Variants in UBR7 observed in about 807,000 individuals in gnomAD.
The protein encoded by UBR7 is putative E3 ubiquitin-protein ligase UBR7.
UBR7 carries 22 observed loss-of-function variants against 57.0 expected under a neutral mutation model. That is an observed-to-expected ratio of 0.39 (90% CI 0.28 to 0.55). The LOEUF (loss-of-function observed/expected upper bound fraction) is 0.55. Among genes scored for constraint, UBR7 ranks in the 20% least tolerant of loss-of-function variants. The pLI is 0.69. For synonymous variants in UBR7, 167 were observed against 179.8 expected (o/e 0.93, Z 0.57); for missense variants, 395 against 513.2 (o/e 0.77, Z 2.23).
intron 6 of UBR7, 97 bp from the exon 7 acceptor site, chr14:93,218,430 T>A: frequency 2.8e-6 from 3 of 1,053,872 alleles, no homozygotes; most frequent in Non-Finnish European, 4.3e-6. Context: ...AAAATAATAA[T>A]AATAGAATAA....
In UBR7 at chr14:93,227,702, T is replaced by C. The variant is rs1254755969; in HGVS notation, c.*667T>C. 5.7e-6 allele frequency: 4 copies of C among 700,884 alleles called. No individual in the cohort carries two copies. The highest frequency in any genetic ancestry group is 2.7e-5 in the East Asian group (1 of 37,292). The allele number at this position is 700,884 out of a possible 1,614,324, so 43.4% of individuals were successfully genotyped here. A position where few individuals can be genotyped will look rare whatever the true frequency, so the allele number is the denominator to read the frequency against. The stretch of plus-strand genomic sequence containing the variant: ...GGGTTGAGGAAGCAAGCCTTTGTTA[T>C]GAATTTTACTAATACAGTTCAAGTG... On this transcript the variant is annotated 3_prime_UTR_variant, in exon 11 of 11. Transcript: ENST00000013070.
intron 6 of UBR7, among the ~76,000 whole-genome samples, chr14:93,218,149 C>T (rs1197166239): frequency 6.6e-6 from 1 of 151,684 alleles, no homozygotes; most frequent in African/African-American, 2.4e-5. Context: ...GTGGCTCACA[C>T]CTGTAATCCC....
Position 93,218,409 on chromosome 14 carries a change from T to C in UBR7, c.602-118T>C. 4.4e-6 allele frequency: 4 copies of C among 913,192 alleles called. No individual in the cohort carries two copies. The South Asian group carries it at 6.3e-5, about 14-fold the overall frequency. 56.6% of individuals were successfully genotyped at this position (913,192 alleles called of 1,614,324 possible). A position where few individuals can be genotyped will look rare whatever the true frequency, so the allele number is the denominator to read the frequency against. Reference sequence around the variant, plus strand: ...GTGGACGACAGAGTGAGACTCTGTCTGTAAAAAAAAAAAATAATAATAATA... The same window carrying C: ...GTGGACGACAGAGTGAGACTCTGTCCGTAAAAAAAAAAAATAATAATAATA... On this transcript the variant is annotated intron_variant, in intron 6 of 10. Coordinates refer to ENST00000013070, the MANE Select transcript of UBR7 (RefSeq NM_175748.4).
Position 93,212,146 on chromosome 14 carries a change from A to C in UBR7, c.441+19A>C. The C allele has an allele frequency of 6.3e-7, 1 of 1,585,462 alleles. No individual in the cohort carries two copies. Among genetic ancestry groups the C allele is most frequent in the Non-Finnish European group, 8.6e-7 (1 of 1,157,824 alleles). On this transcript the variant is annotated intron_variant, in intron 4 of 10. Coordinates refer to ENST00000013070, the MANE Select transcript of UBR7 (RefSeq NM_175748.4). The stretch of plus-strand genomic sequence containing the variant: ...AGACGAGGTAAGAGAATTGGAAGTT[A>C]AACCTGGGGGTGTGTCCCCTCTAGC...
intron 1 of UBR7, among the ~76,000 whole-genome samples, chr14:93,207,833 T>G (rs768429585): frequency 6.6e-6 from 1 of 152,194 alleles, no homozygotes; most frequent in South Asian, 2.1e-4. Flanking sequence ...ATTTATTTAT[T>G]TATTAGGGAC....
At chr14:93,209,698 A>C (rs1188387489) in intron 1 of UBR7, 126 bp from the exon 2 acceptor site, 4 of 1,278,740 alleles carry the variant, frequency 3.1e-6, no homozygotes, top group Non-Finnish European at 4.3e-6. Flanking sequence ...TTTTAGTCTT[A>C]ATGGTTTTTA....
intron 6 of UBR7, among the ~76,000 whole-genome samples, chr14:93,216,762 A>C (rs570207376): frequency 1.1e-4 from 16 of 151,912 alleles, no homozygotes; most frequent in Admixed American, 1.1e-3. Flanking sequence ...CTACAGGCAC[A>C]TGCCACCACA....
chr14:93,217,407 T>C (rs886742442), intron 6 of UBR7, among the ~76,000 whole-genome samples: 6 of 152,208 alleles, frequency 3.9e-5, no homozygotes, highest in Admixed American at 3.3e-4. Flanking sequence ...TCCTATTACA[T>C]TGAAATGCTG....
chr14:93,218,987 G>A (rs543953616), intron 7 of UBR7, among the ~76,000 whole-genome samples: 2 of 151,842 alleles, frequency 1.3e-5, no homozygotes, highest in South Asian at 2.1e-4. Flanking sequence ...CCCAGGAGGC[G>A]GAGGTTACAG....
Position 93,228,660 on chromosome 14 carries a change from G to A in UBR7, c.*1625G>A, listed in dbSNP as rs902293218. On this transcript the variant is annotated 3_prime_UTR_variant, in exon 11 of 11. Transcript: ENST00000013070. ...GAGCTGGCCTTGTGCAGAGGGCTCC[G>A]TTCAAAGGCTCGGGGTGTCTTTGAG... 4.4e-6 allele frequency: 2 copies of A among 453,988 alleles called. No individual in the cohort carries two copies. Among genetic ancestry groups the A allele is most frequent in the African/African-American group, 2.0e-5 (1 of 49,982 alleles). The allele number at this position is 453,988 out of a possible 1,614,324, so 28.1% of individuals were successfully genotyped here. A position where few individuals can be genotyped will look rare whatever the true frequency, so the allele number is the denominator to read the frequency against.
chr14:93,222,775 T>C (rs1248555896), intron 10 of UBR7, among the ~76,000 whole-genome samples: 1 of 150,778 alleles, frequency 6.6e-6, no homozygotes, highest in Non-Finnish European at 1.5e-5. Flanking sequence ...CTTAAGTGGG[T>C]ACTTGAGAGT....
intron 3 of UBR7, among the ~76,000 whole-genome samples, chr14:93,211,436 A>G (rs948618815): frequency 6.6e-6 from 1 of 151,208 alleles, no homozygotes; most frequent in Non-Finnish European, 1.5e-5. Flanking sequence ...AATCCCAGCT[A>G]CTTGGGAGGC....
intron 3 of UBR7, among the ~76,000 whole-genome samples, chr14:93,211,635 G>A (rs1302975084): frequency 1.3e-5 from 2 of 152,088 alleles, no homozygotes; most frequent in Non-Finnish European, 2.9e-5. Context: ...GCCTAGGTGG[G>A]AGAATGGCTT....
At chr14:93,214,662 C>T (rs1894555187) in intron 4 of UBR7, among the ~76,000 whole-genome samples, 1 of 152,202 alleles carries the variant, frequency 6.6e-6, no homozygotes, top group African/African-American at 2.4e-5. Flanking sequence ...ACTGTCTGCA[C>T]TGGTCCATTC....
Position 93,227,219 on chromosome 14 carries a change from C to T in UBR7, c.*184C>T. On this transcript the variant is annotated 3_prime_UTR_variant, in exon 11 of 11. Coordinates refer to ENST00000013070, the MANE Select transcript of UBR7 (RefSeq NM_175748.4). ...GGATGCTGACTTCACAGCCAGCGTC[C>T]TCTGTGACTCAGCTGATGCAGCTCA... 1.6e-6 allele frequency: 1 copy of T among 637,840 alleles called. No homozygotes were observed. Among genetic ancestry groups the T allele is most frequent in the South Asian group, 1.5e-5 (1 of 66,140 alleles). 39.5% of individuals were successfully genotyped at this position (637,840 alleles called of 1,614,324 possible).
At chr14:93,211,516 CA>C (rs1359564851) in intron 3 of UBR7, among the ~76,000 whole-genome samples, 5 of 151,824 alleles carry the variant, frequency 3.3e-5, no homozygotes, top group African/African-American at 1.2e-4. Context: ...CACCGCACTC[CA>C]GCCTGGGCGA....
intron 9 of UBR7, 83 bp from the exon 10 acceptor site, chr14:93,222,230 T>C (rs1443593384): frequency 9.7e-6 from 9 of 928,930 alleles, no homozygotes; most frequent in Non-Finnish European, 1.6e-5. Context: ...ATTAACAGAC[T>C]CAGGTGTCAA....
At chr14:93,211,854 G>A (rs1330210888) in intron 3 of UBR7, among the ~76,000 whole-genome samples, 178 bp from the exon 4 acceptor site, 1 of 149,022 alleles carries the variant, frequency 6.7e-6, no homozygotes, top group Non-Finnish European at 1.5e-5. Flanking sequence ...TTTTCCCTGT[G>A]TCCTGAAAAA....
intron 4 of UBR7, among the ~76,000 whole-genome samples, chr14:93,214,467 G>T (rs1012886022): frequency 2.6e-5 from 4 of 152,194 alleles, no homozygotes; most frequent in African/African-American, 9.6e-5. Flanking sequence ...CAAATTAGAG[G>T]AGTTATCTAT....
Sources: allele counts gnomAD v4.1 joint callset (sites outside exome capture counted in the v4.1 genomes callset), GRCh38; gene constraint gnomAD v4.1.1; transcripts MANE v1.5; gene names NCBI Gene and HGNC (gene_info 2026-07-23, HGNC 2026-07-21).